Variants in ZNF184 observed in about 807,000 individuals in gnomAD.
ZNF184 encodes zinc finger protein 184, also known as zinc finger protein 184 (Kruppel-like).
ZNF184 carries 16 observed loss-of-function variants against 54.4 expected under a neutral mutation model. The observed-to-expected ratio is 0.29, with a 90% CI of 0.20 to 0.45. The LOEUF is 0.45. ZNF184 is among the 20% of genes least tolerant of loss of function. ZNF184 has a pLI of 1.00. For synonymous variants in ZNF184, 254 were observed against 295.3 expected (o/e 0.86, Z 1.43); for missense variants, 681 against 888.2 (o/e 0.77, Z 2.97).
chr6:27,430,243 T>G, the ZNF184 span, among the ~76,000 whole-genome samples: 1 of 152,138 alleles, frequency 6.6e-6, no homozygotes, highest in Non-Finnish European at 1.5e-5. Context: ...TAACTCAAAA[T>G]AGTCAATATC....
At chr6:27,435,141 G>C in the ZNF184 span, among the ~76,000 whole-genome samples, 99 of 152,154 alleles carry the variant, frequency 6.5e-4, 1 homozygote, top group African/African-American at 2.2e-3. Flanking sequence ...GGTCCTTTGA[G>C]ATACCATGTG....
At chr6:27,414,081 A>G in the ZNF184 span, among the ~76,000 whole-genome samples, 1 of 152,204 alleles carries the variant, frequency 6.6e-6, no homozygotes, top group Non-Finnish European at 1.5e-5. Flanking sequence ...TTACTCATTG[A>G]ACAATGAACA....
the ZNF184 span, among the ~76,000 whole-genome samples, chr6:27,430,338 C>G: frequency 8.3e-6 from 1 of 120,244 alleles, no homozygotes; most frequent in East Asian, 2.9e-4. Context: ...GTATTATTCC[C>G]CACCCACCCA....
At position 27,457,683 on chromosome 6, in the gene ZNF184, CA is replaced by C. The variant is rs532072395; in HGVS notation, c.76-275del. ...CATTGTTGTTGTCCTTCATCGTCATCATTACCATCATCATCTCTGTGTTCCA... is the reference window on the plus strand; with the variant it reads ...CATTGTTGTTGTCCTTCATCGTCATCTTACCATCATCATCTCTGTGTTCCA... On this transcript the variant is annotated intron_variant, in intron 3 of 5. Transcript: ENST00000683788. Among the ~76,000 whole-genome samples, 292 of 152,294 alleles carry C rather than the reference CA, an allele frequency of 1.9e-3. 3 individuals carry two copies. The highest frequency in any genetic ancestry group is 0.014 in the Middle Eastern group (4 of 294).
the ZNF184 span, among the ~76,000 whole-genome samples, chr6:27,442,803 AG>A: frequency 1.2e-4 from 3 of 26,012 alleles, no homozygotes; most frequent in Non-Finnish European, 1.9e-4. Context: ...AGAAAGAAAG[AG>A]AAAGAAAGAG....
chr6:27,471,058 CATG>C (rs1763262813), intron 2 of ZNF184, among the ~76,000 whole-genome samples: 1 of 152,120 alleles, frequency 6.6e-6, no homozygotes, highest in African/African-American at 2.4e-5. Context: ...AAAAGGACTG[CATG>C]ATAATAGTTA....
At position 27,451,662 on chromosome 6, in the gene ZNF184, G is replaced by T. The variant is rs1224307630; in HGVS notation, c.1897C>A (p.Gln633Lys). 3.1e-6 allele frequency: 5 copies of T among 1,613,968 alleles called. No homozygotes were observed. The highest frequency in any genetic ancestry group is 1.3e-5 in the African/African-American group (1 of 74,920). Residue 633 changes from glutamine (Q) to lysine (K), a missense_variant, in exon 6 of 6, where the codon CAA (glutamine) becomes AAA (lysine). Physicochemically the swap from Gln to Lys is moderately conservative, Grantham distance 53 (BLOSUM62 1). Transcript: ENST00000683788. ...FRHCSSLAQH[Q>K]KTHTEEKPYQ... ...GGTTTTTCTTCTGTGTGAGTTTTTTGATGTTGAGCAAGAGATGAACAATGT... is the reference window on the plus strand; with the variant it reads ...GGTTTTTCTTCTGTGTGAGTTTTTTTATGTTGAGCAAGAGATGAACAATGT...
rs1762743731 is a variant in ZNF184, at chr6:27,452,125, T to G, written c.1434A>C (p.Glu478Asp). 2 of 1,614,012 alleles carry G rather than the reference T, an allele frequency of 1.2e-6. No individual in the cohort carries two copies. The highest frequency in any genetic ancestry group is 1.3e-5 in the African/African-American group (1 of 74,936). ...AGCAGTAACTGAAGGCCTTTCCACA[T>G]TCATTGCATTTGTAAGGTTTTTCTC... ...HTGEKPYKCNECGKAFSYCSS... is the reference protein window; with the variant it reads ...HTGEKPYKCNDCGKAFSYCSS... The change falls in exon 6 of 6, where the codon GAA becomes GAC. Residue 478 changes from glutamate (E) to aspartate (D), a missense_variant. Coordinates refer to ENST00000683788, the MANE Select transcript of ZNF184 (RefSeq NM_001318891.2). This position sits in a 1 kb window ranked among gnomAD's most constrained non-coding sequence, Gnocchi z 5.5.
intron 3 of ZNF184, among the ~76,000 whole-genome samples, chr6:27,459,830 T>A (rs1762953680): frequency 6.6e-6 from 1 of 152,206 alleles, no homozygotes; most frequent in Admixed American, 6.5e-5. Flanking sequence ...TATAGATAGT[T>A]ATCAAATGAT....
chr6:27,452,353 G>C lies in ZNF184; in HGVS notation c.1206C>G (p.Pro402=). ...CNECGKAFNG[P]STFIRHHMIH... ...TCATATGATGACGGATAAAAGTTGA[G>C]GGCCCGTTGAAGGCCTTTCCACATT... Residue 402 remains proline (P), a synonymous_variant, in exon 6 of 6, where the codon CCC becomes CCG. Transcript: ENST00000683788. This position sits in a 1 kb window ranked among gnomAD's most constrained non-coding sequence, Gnocchi z 5.5. 1 of 1,613,904 alleles carries C rather than the reference G, an allele frequency of 6.2e-7. No homozygotes were observed. The highest frequency in any genetic ancestry group is 1.3e-5 in the African/African-American group (1 of 74,970).
chr6:27,448,576 C>T (rs1460236788), downstream of ZNF184, among the ~76,000 whole-genome samples: 2 of 152,112 alleles, frequency 1.3e-5, no homozygotes, highest in African/African-American at 4.8e-5. Flanking sequence ...TCTCTCTGAC[C>T]TCATCTCCTA....
the ZNF184 span, among the ~76,000 whole-genome samples, chr6:27,409,218 G>A: frequency 1.3e-5 from 2 of 152,118 alleles, no homozygotes; most frequent in South Asian, 4.1e-4. Context: ...AGAAAACATG[G>A]CTGAGCGCAG....
intron 3 of ZNF184, 77 bp downstream of exon 3, chr6:27,467,776 A>G: frequency 7.1e-7 from 1 of 1,399,782 alleles, no homozygotes; most frequent in Non-Finnish European, 9.8e-7. Flanking sequence ...TTGGATAAAT[A>G]GAAAAAACAA....
At chr6:27,428,974 C>G in the ZNF184 span, among the ~76,000 whole-genome samples, 1 of 152,302 alleles carries the variant, frequency 6.6e-6, no homozygotes, top group East Asian at 1.9e-4. This position sits in a 1 kb window ranked among gnomAD's most constrained non-coding sequence, Gnocchi z 4.1. Context: ...GCAGCAGACA[C>G]AAAGGGTCTC....
chr6:27,423,968 G>A, the ZNF184 span, among the ~76,000 whole-genome samples: 1 of 152,134 alleles, frequency 6.6e-6, no homozygotes, highest in African/African-American at 2.4e-5. Flanking sequence ...TATTTTATTA[G>A]TTGTTGTGTC....
At position 27,455,768 on chromosome 6, in the gene ZNF184, C is replaced by T. The variant is rs187513595; in HGVS notation, c.298+1058G>A. On this transcript the variant is annotated intron_variant, in intron 5 of 5. Coordinates refer to ENST00000683788, the MANE Select transcript of ZNF184 (RefSeq NM_001318891.2). ...AGTTAGAAACTTGCTAAAGTTTGAA[C>T]ATGGCATACATTTTTCCCCCGTAAA... is the stretch of plus-strand genomic sequence containing the variant. 5.3e-5 allele frequency among the ~76,000 whole-genome samples: 8 copies of T among 152,216 alleles called. No individual in the cohort carries two copies. The East Asian group carries it at 1.5e-3, about 29-fold the overall frequency.
the ZNF184 span, among the ~76,000 whole-genome samples, chr6:27,407,221 G>C: frequency 1.3e-5 from 2 of 152,216 alleles, no homozygotes; most frequent in African/African-American, 4.8e-5. Context: ...GGGGGACGTA[G>C]GCAGGTGAAA....
rs1444196083 is a variant in ZNF184 at position 27,451,541 on chromosome 6, T to C, written c.2018A>G (p.Asn673Ser). ...CCGGCTAAAGGCTTTGTCACATTCA[T>C]TGCACTTATAGGGCTTCTCCCCAGT... ...IHTGEKPYKC[N>S]ECDKAFSRST... The change falls in exon 6 of 6, where the codon AAT becomes AGT. Residue 673 changes from asparagine (N) to serine (S), a missense_variant. Coordinates refer to ENST00000683788, the MANE Select transcript of ZNF184 (RefSeq NM_001318891.2). 2 of 1,614,156 alleles carry C rather than the reference T, an allele frequency of 1.2e-6. No homozygotes were observed. Among genetic ancestry groups the C allele is most frequent in the South Asian group, 1.1e-5 (1 of 91,078 alleles).
chr6:27,430,382 C>T, the ZNF184 span, among the ~76,000 whole-genome samples: 5 of 143,782 alleles, frequency 3.5e-5, no homozygotes, highest in African/African-American at 7.7e-5. Context: ...CCCTGGAACC[C>T]GTGAATATTA....
Sources: gnomAD v4.1 joint callset for allele counts (sites outside exome capture counted in the v4.1 genomes callset) on GRCh38, gnomAD v4.1.1 for gene constraint, Gnocchi (gnomAD v3.1) non-coding constraint, MANE v1.5 for transcripts, NCBI Gene and HGNC (gene_info 2026-07-23, HGNC 2026-07-21) for gene names.